The following TTC29 variants were observed in gnomAD, a reference collection of about 807,000 sequenced individuals.
TTC29 encodes tetratricopeptide repeat protein 29.
TTC29 carries 49 observed loss-of-function variants against 58.1 expected under a neutral mutation model. The observed-to-expected ratio is 0.84, with a 90% CI of 0.67 to 1.07. The LOEUF (loss-of-function observed/expected upper bound fraction) is 1.07, where lower values mean the gene tolerates loss of function less well. TTC29 is among the 50% of genes least tolerant of loss of function. The probability of loss-of-function intolerance (pLI) is 0.00; values close to 1 mark genes in which losing one functional copy is unlikely to be tolerated. For synonymous variants in TTC29, 209 were observed against 196.8 expected (o/e 1.06, Z -0.52); for missense variants, 582 against 555.6 (o/e 1.05, Z -0.48).
chr4:146,722,945 G>T (rs1007794261), intron 11 of TTC29, among the ~76,000 whole-genome samples: 1 of 152,028 alleles, frequency 6.6e-6, no homozygotes, highest in Admixed American at 6.6e-5. Context: ...CGATCCACCC[G>T]CCTCAGCCTC....
intron 5 of TTC29, 39 bp downstream of exon 5, chr4:146,908,987 T>G: frequency 6.4e-7 from 1 of 1,553,880 alleles, no homozygotes; most frequent in Non-Finnish European, 8.8e-7. Context: ...CTCGGTGTTC[T>G]GGCTCCTTCT....
chr4:146,747,492 A>G lies in TTC29; in HGVS notation c.1331-39941T>C, dbSNP rs2150043067. On this transcript the variant is annotated intron_variant, in intron 11 of 12. Transcript: ENST00000325106. ...CATTGCAGTCACTGGTGCACCCTCC[A>G]CATAGGGTAAAGTTGCCCCACCCCT... 1.3e-5 allele frequency among the ~76,000 whole-genome samples: 2 copies of G among 152,276 alleles called. 1 individual carries two copies. Among genetic ancestry groups the G allele is most frequent in the South Asian group, 4.1e-4 (2 of 4,830 alleles).
chr4:146,795,000 T>C (rs994693147), intron 11 of TTC29, among the ~76,000 whole-genome samples: 4 of 152,220 alleles, frequency 2.6e-5, no homozygotes, highest in Admixed American at 2.6e-4. Flanking sequence ...AGCACTTAAG[T>C]GAACTAACTT....
intron 8 of TTC29, among the ~76,000 whole-genome samples, chr4:146,861,777 T>C (rs995085978): frequency 3.9e-5 from 6 of 152,100 alleles, no homozygotes; most frequent in African/African-American, 1.4e-4. Flanking sequence ...TTATCCAAGT[T>C]TCTTTGAAAA....
At chr4:146,822,291 G>A (rs951668041) in intron 9 of TTC29, among the ~76,000 whole-genome samples, 3 of 151,978 alleles carry the variant, frequency 2.0e-5, no homozygotes, top group Admixed American at 2.0e-4. Context: ...GTGTCCTTGT[G>A]TTCTTAGTGT....
chr4:146,943,220 C>A (rs1351754148), intron 2 of TTC29, among the ~76,000 whole-genome samples: 5 of 117,832 alleles, frequency 4.2e-5, no homozygotes, highest in African/African-American at 1.6e-4. Flanking sequence ...TCAACGTTTC[C>A]TACCATTAAA....
intron 11 of TTC29, among the ~76,000 whole-genome samples, chr4:146,738,084 C>T (rs1166869727): frequency 6.6e-6 from 1 of 152,216 alleles, no homozygotes; most frequent in African/African-American, 2.4e-5. Context: ...ACTCTACCGT[C>T]TATGAATGGA....
chr4:146,786,691 A>G (rs1749041951), intron 11 of TTC29, among the ~76,000 whole-genome samples: 1 of 152,220 alleles, frequency 6.6e-6, no homozygotes, highest in Non-Finnish European at 1.5e-5. Context: ...GCTGACTAAT[A>G]TTGTGATAAA....
intron 10 of TTC29, among the ~76,000 whole-genome samples, chr4:146,819,465 G>C (rs1751669388): frequency 6.6e-6 from 1 of 152,114 alleles, no homozygotes; most frequent in South Asian, 2.1e-4. Context: ...AGAGAAACAA[G>C]GCTCTTTCAC....
intron 11 of TTC29, among the ~76,000 whole-genome samples, chr4:146,722,627 A>G (rs986034562): frequency 1.3e-5 from 2 of 152,172 alleles, no homozygotes; most frequent in African/African-American, 2.4e-5. Flanking sequence ...CATATGCAGA[A>G]GAAAAAAAAA....
At chr4:146,928,545 C>A (rs1344999161) in intron 4 of TTC29, among the ~76,000 whole-genome samples, 1 of 152,162 alleles carries the variant, frequency 6.6e-6, no homozygotes, top group Non-Finnish European at 1.5e-5. Context: ...AAAAGTATTT[C>A]TTGAGTGCCT....
At chr4:146,921,447 G>A (rs1389630762) in intron 4 of TTC29, among the ~76,000 whole-genome samples, 2 of 151,082 alleles carry the variant, frequency 1.3e-5, no homozygotes, top group Non-Finnish European at 3.0e-5. Context: ...TAGATTAGTA[G>A]GCGGAGAACA....
chr4:146,882,059 T>C (rs1329511981), intron 6 of TTC29, among the ~76,000 whole-genome samples: 2 of 152,116 alleles, frequency 1.3e-5, no homozygotes, highest in Admixed American at 6.6e-5. Context: ...AAGAATCCCA[T>C]GTAGACAGGT....
intron 8 of TTC29, among the ~76,000 whole-genome samples, chr4:146,864,137 C>G (rs760679318): frequency 2.6e-5 from 4 of 152,166 alleles, no homozygotes; most frequent in Non-Finnish European, 5.9e-5. Flanking sequence ...TACTTGAACT[C>G]TCCTTGAATA....
At chr4:146,846,368 G>A (rs79427302) in intron 8 of TTC29, among the ~76,000 whole-genome samples, 2,443 of 152,246 alleles carry the variant, frequency 0.016, 73 homozygotes, top group African/African-American at 0.054. Flanking sequence ...GGACCGGTGG[G>A]TCAGAGACTG....
At chr4:146,863,547 C>G (rs1579856366) in intron 8 of TTC29, among the ~76,000 whole-genome samples, 2 of 152,290 alleles carry the variant, frequency 1.3e-5, no homozygotes, top group African/African-American at 4.8e-5. Flanking sequence ...TTTCTTAGGC[C>G]TGATGGAACA....
chr4:146,778,913 C>G (rs189421150), intron 11 of TTC29, among the ~76,000 whole-genome samples: 1 of 140,622 alleles, frequency 7.1e-6, no homozygotes, highest in Non-Finnish European at 1.5e-5. Context: ...ACACTAAAAG[C>G]GCAGACTTTA....
chr4:146,938,698 A>G (rs1038882579), intron 3 of TTC29, among the ~76,000 whole-genome samples: 1 of 152,134 alleles, frequency 6.6e-6, no homozygotes, highest in African/African-American at 2.4e-5. Flanking sequence ...GTTTAGCTGA[A>G]TGTATTTATT....
rs142881573 is a variant in TTC29, at chr4:146,902,720, G to A, written c.586+824C>T. On this transcript the variant is annotated intron_variant, in intron 6 of 12. Coordinates refer to ENST00000325106, the MANE Select transcript of TTC29 (RefSeq NM_031956.4). Reference sequence around the variant, plus strand: ...ATACTCCCTATGTCTAGCACGCATGGTGGCTTCTGACAATGTTCAGGCGCC... The same window carrying A: ...ATACTCCCTATGTCTAGCACGCATGATGGCTTCTGACAATGTTCAGGCGCC... Among the ~76,000 whole-genome samples the A allele has an allele frequency of 2.8e-3, 420 of 152,192 alleles. 3 individuals carry two copies. Among genetic ancestry groups the A allele is most frequent in the Non-Finnish European group, 4.8e-3 (329 of 68,018 alleles).
Sources: gnomAD v4.1 joint callset for allele counts (sites outside exome capture counted in the v4.1 genomes callset) on GRCh38, gnomAD v4.1.1 for gene constraint, MANE v1.5 for transcripts, NCBI Gene and HGNC (gene_info 2026-07-23, HGNC 2026-07-21) for gene names.